Variants in NOTCH2 observed in about 807,000 individuals in gnomAD.
The protein encoded by NOTCH2 is notch receptor 2, also known as neurogenic locus notch homolog protein 2.
Under a neutral mutation model 235.8 loss-of-function variants are expected in NOTCH2, and 29 were observed. The observed-to-expected ratio is 0.12, with a 90% CI of 0.09 to 0.17. The LOEUF is 0.17. Among genes scored for constraint, NOTCH2 ranks in the 10% least tolerant of loss-of-function variants. NOTCH2 has a pLI of 1.00. For synonymous variants in NOTCH2, 1,086 were observed against 1,141.5 expected (o/e 0.95, Z 0.98); for missense variants, 2,285 against 3,150.2 (o/e 0.73, Z 6.57).
intron 9 of NOTCH2, 43 bp from the exon 10 acceptor site, chr1:119,965,609 G>T: frequency 7.7e-7 from 1 of 1,296,312 alleles, no homozygotes; most frequent in Non-Finnish European, 1.1e-6. Flanking sequence ...GGATTATCTT[G>T]TGTCTCCCTT....
At chr1:119,920,431 G>A in intron 29 of NOTCH2, 34 bp from the exon 30 acceptor site, 1 of 1,612,954 alleles carries the variant, frequency 6.2e-7, no homozygotes, top group Non-Finnish European at 8.5e-7. Flanking sequence ...CTATCAATCT[G>A]GCCACCACCA....
chr1:119,959,398 A>T lies in NOTCH2; in HGVS notation c.2020T>A (p.Phe674Ile). 1 of 1,590,298 alleles carries T rather than the reference A, an allele frequency of 6.3e-7. No homozygotes were observed. Among genetic ancestry groups the T allele is most frequent in the Middle Eastern group, 1.7e-4 (1 of 6,016 alleles). The change falls in exon 12 of 34, where the codon TTC becomes ATC. Residue 674 changes from phenylalanine (F) to isoleucine (I), a missense_variant. By Grantham distance (21) the Phe-to-Ile change is conservative. Coordinates refer to ENST00000256646, the MANE Select transcript of NOTCH2 (RefSeq NM_024408.4). ...GCAGTAAAAGGAGCTTTACCTGTGAATCCTGGTGAGCAGACACAACTGTAG... is the reference window on the plus strand; with the variant it reads ...GCAGTAAAAGGAGCTTTACCTGTGATTCCTGGTGAGCAGACACAACTGTAG... ...NRYSCVCSPG[F>I]TGQRCNIDID...
At chr1:119,938,852 T>C (rs1159131066) in intron 19 of NOTCH2, among the ~76,000 whole-genome samples, 2 of 152,106 alleles carry the variant, frequency 1.3e-5, no homozygotes, top group African/African-American at 4.8e-5. Flanking sequence ...GGCTAATTTT[T>C]TGTATTTTTA....
At chr1:120,010,824 T>C (rs1309935642) in intron 2 of NOTCH2, among the ~76,000 whole-genome samples, 2 of 152,210 alleles carry the variant, frequency 1.3e-5, no homozygotes, top group African/African-American at 4.8e-5. Context: ...ATAATAAAAA[T>C]GTTCATAGCA....
chr1:119,937,729 C>T, intron 20 of NOTCH2, 128 bp downstream of exon 20: 3 of 1,047,960 alleles, frequency 2.9e-6, no homozygotes, highest in Non-Finnish European at 2.8e-6. Context: ...GCCCTTTCCC[C>T]AGAGCCCTGC....
At chr1:119,944,481 G>A (rs771159500) in intron 17 of NOTCH2, among the ~76,000 whole-genome samples, 10 of 147,940 alleles carry the variant, frequency 6.8e-5, no homozygotes, top group Non-Finnish European at 1.3e-4. Context: ...CTTGCATTGA[G>A]CCAAGTTCAC....
intron 21 of NOTCH2, among the ~76,000 whole-genome samples, chr1:119,935,842 A>C (rs996013253): frequency 1.3e-5 from 2 of 152,216 alleles, no homozygotes; most frequent in Non-Finnish European, 2.9e-5. Flanking sequence ...TTTAAAGGGA[A>C]GGCAAGGACT....
intron 11 of NOTCH2, among the ~76,000 whole-genome samples, 192 bp from the exon 12 acceptor site, chr1:119,959,694 T>C (rs1650863374): frequency 6.6e-6 from 1 of 152,242 alleles, no homozygotes; most frequent in Admixed American, 6.5e-5. Flanking sequence ...AAGGATTTTA[T>C]TAATCATACT....
At chr1:119,983,511 C>A (rs1651896689) in intron 5 of NOTCH2, among the ~76,000 whole-genome samples, 1 of 152,116 alleles carries the variant, frequency 6.6e-6, no homozygotes, top group Non-Finnish European at 1.5e-5. Flanking sequence ...TTCACATTAG[C>A]CATATTTCAG....
intron 1 of NOTCH2, among the ~76,000 whole-genome samples, chr1:120,049,099 AG>A (rs1402045993): frequency 6.2e-5 from 1 of 16,220 alleles, no homozygotes; most frequent in Non-Finnish European, 1.1e-4. Context: ...CTACAAACAA[AG>A]GGGTTTTGCT....
chr1:120,000,458 C>T (rs1553205134), intron 3 of NOTCH2, among the ~76,000 whole-genome samples: 2 of 142,478 alleles, frequency 1.4e-5, no homozygotes, highest in East Asian at 2.1e-4. Flanking sequence ...GGCGTGAACC[C>T]GGGAGGTGGA....
At chr1:120,069,242 C>CT (rs1655653315) in intron 1 of NOTCH2, 92 bp downstream of exon 1, 1 of 1,527,392 alleles carries the variant, frequency 6.5e-7, no homozygotes, top group Admixed American at 2.0e-5. Flanking sequence ...CGAGCCTGGC[C>CT]TTCCCACACA....
At chr1:120,062,838 T>C (rs587755070) in intron 1 of NOTCH2, among the ~76,000 whole-genome samples, 47 of 152,060 alleles carry the variant, frequency 3.1e-4, no homozygotes, top group African/African-American at 1.1e-3. Context: ...CATGGAAACC[T>C]ATGTATTTAC....
At chr1:119,981,352 T>C (rs905020893) in intron 5 of NOTCH2, among the ~76,000 whole-genome samples, 6 of 152,238 alleles carry the variant, frequency 3.9e-5, no homozygotes, top group African/African-American at 1.4e-4. Context: ...TTCTTATGTC[T>C]TCCTAGTCAA....
At chr1:119,931,868 C>T (rs1335869663) in intron 22 of NOTCH2, among the ~76,000 whole-genome samples, 1 of 151,086 alleles carries the variant, frequency 6.6e-6, no homozygotes, top group Non-Finnish European at 1.5e-5. Context: ...CACTAAAAAT[C>T]ACTATAAAGA....
At chr1:119,938,602 G>A (rs1649948702) in intron 19 of NOTCH2, among the ~76,000 whole-genome samples, 1 of 152,030 alleles carries the variant, frequency 6.6e-6, no homozygotes, top group Non-Finnish European at 1.5e-5. Context: ...GGGTGGTTTT[G>A]TACCACATTG....
At chr1:119,933,363 G>A (rs1649732955) in intron 22 of NOTCH2, among the ~76,000 whole-genome samples, 1 of 152,022 alleles carries the variant, frequency 6.6e-6, no homozygotes, top group Non-Finnish European at 1.5e-5. Flanking sequence ...GTTTACCAAT[G>A]GCCAGAGAAG....
chr1:119,943,454 T>C (rs1383571131), intron 17 of NOTCH2, among the ~76,000 whole-genome samples: 1 of 151,864 alleles, frequency 6.6e-6, no homozygotes, highest in Non-Finnish European at 1.5e-5. Flanking sequence ...GTAAGTAGAG[T>C]CCTGAGGGAC....
chr1:120,027,825 T>C (rs327197), intron 2 of NOTCH2, among the ~76,000 whole-genome samples: 36,362 of 136,600 alleles, frequency 0.27, 10,279 homozygotes, highest in African/African-American at 0.72. Flanking sequence ...TTTATGGCTG[T>C]ATAGTGTTCC....
Sources: allele counts gnomAD v4.1 joint callset (sites outside exome capture counted in the v4.1 genomes callset), GRCh38; gene constraint gnomAD v4.1.1; transcripts MANE v1.5; gene names NCBI Gene and HGNC (gene_info 2026-07-23, HGNC 2026-07-21).